The following MDGA2 variants were observed in gnomAD, a reference collection of about 807,000 sequenced individuals.
MDGA2 encodes MAM domain-containing glycosylphosphatidylinositol anchor protein 2.
MDGA2 carries 40 observed loss-of-function variants against 117.8 expected under a neutral mutation model. The observed-to-expected ratio is 0.34, with a 90% CI of 0.26 to 0.44. The LOEUF is 0.44. Ranked by LOEUF, MDGA2 falls within the 20% of genes least tolerant of loss-of-function variation. The pLI is 1.00. For synonymous variants in MDGA2, 452 were observed against 439.0 expected, an observed-to-expected ratio of 1.03 and a Z score of -0.37; for missense variants, 1,123 against 1,250.6, an observed-to-expected ratio of 0.90 and a Z score of 1.54.
intron 1 of MDGA2, among the ~76,000 whole-genome samples, chr14:47,320,914 G>A (rs1381202773): frequency 1.3e-5 from 2 of 152,066 alleles, no homozygotes; most frequent in Non-Finnish European, 2.9e-5. Flanking sequence ...AAAAAACATT[G>A]TACCCCAGAT....
At chr14:47,174,915 G>C (rs1435084094) in intron 3 of MDGA2, among the ~76,000 whole-genome samples, 1 of 151,578 alleles carries the variant, frequency 6.6e-6, no homozygotes, top group Non-Finnish European at 1.5e-5. Context: ...GACTAATAAA[G>C]AAAAAAAGAG....
intron 3 of MDGA2, among the ~76,000 whole-genome samples, chr14:47,209,164 T>A (rs1885794067): frequency 6.6e-6 from 1 of 152,212 alleles, no homozygotes; most frequent in Non-Finnish European, 1.5e-5. Context: ...ACTCATCTAA[T>A]TTTTAACCAA....
At chr14:47,366,906 A>C (rs570267966) in intron 1 of MDGA2, among the ~76,000 whole-genome samples, 2 of 97,234 alleles carry the variant, frequency 2.1e-5, no homozygotes, top group South Asian at 5.3e-4. Flanking sequence ...TTTTAGTTTG[A>C]CTTTGGCCTA....
chr14:46,871,953 G>T, intron 14 of MDGA2: 1 of 306,484 alleles, frequency 3.3e-6, no homozygotes, highest in Non-Finnish European at 6.7e-6. Context: ...GGGCAACATA[G>T]CAAGAGCCTG....
At chr14:47,047,969 A>G (rs1163551285) in intron 7 of MDGA2, among the ~76,000 whole-genome samples, 1 of 152,092 alleles carries the variant, frequency 6.6e-6, no homozygotes, top group Non-Finnish European at 1.5e-5. Context: ...AGTCAGAGGC[A>G]TTCCCCCAAA....
At chr14:47,640,180 T>A (rs1399057255) in intron 1 of MDGA2, among the ~76,000 whole-genome samples, 1 of 152,128 alleles carries the variant, frequency 6.6e-6, no homozygotes, top group African/African-American at 2.4e-5. Flanking sequence ...CACCCTCAAG[T>A]TTAATGCCAA....
chr14:47,076,560 ATGTGTG>A (rs145260703), intron 6 of MDGA2, among the ~76,000 whole-genome samples: 227 of 147,158 alleles, frequency 1.5e-3, no homozygotes, highest in Admixed American at 2.2e-3. Flanking sequence ...AGTGTGTGTT[ATGTGTG>A]TGTGTGTGTG....
chr14:46,914,731 T>C (rs926998068), intron 10 of MDGA2, among the ~76,000 whole-genome samples: 1 of 152,130 alleles, frequency 6.6e-6, no homozygotes, highest in Non-Finnish European at 1.5e-5. Flanking sequence ...TCTTAAAGAA[T>C]CGAATTTGTT....
chr14:47,379,999 G>A (rs367622293), intron 1 of MDGA2, among the ~76,000 whole-genome samples: 1 of 152,120 alleles, frequency 6.6e-6, no homozygotes, highest in African/African-American at 2.4e-5. Context: ...AAATGTAAAA[G>A]AACAGAAATT....
chr14:47,254,040 T>G (rs1398957938), intron 2 of MDGA2, among the ~76,000 whole-genome samples: 1 of 152,208 alleles, frequency 6.6e-6, no homozygotes, highest in South Asian at 2.1e-4. Flanking sequence ...GCAGCTGGGA[T>G]GCAGGGCACC....
intron 8 of MDGA2, among the ~76,000 whole-genome samples, chr14:47,033,499 T>C (rs1254669297): frequency 2.0e-5 from 3 of 152,196 alleles, no homozygotes; most frequent in African/African-American, 7.2e-5. Context: ...CTTAAGGGTA[T>C]CTCATTTTTT....
chr14:46,854,537 C>A (rs970119191), intron 15 of MDGA2, among the ~76,000 whole-genome samples: 15 of 151,422 alleles, frequency 9.9e-5, no homozygotes, highest in Admixed American at 9.2e-4. Flanking sequence ...TATATAGAAA[C>A]AAAGAAAAAT....
intron 1 of MDGA2, among the ~76,000 whole-genome samples, chr14:47,599,121 T>C (rs1480611250): frequency 1.3e-5 from 2 of 152,000 alleles, no homozygotes; most frequent in Non-Finnish European, 2.9e-5. Flanking sequence ...CTAAGACCAT[T>C]TGGGAAGACA....
chr14:47,269,362 T>C (rs1888070778), intron 2 of MDGA2, among the ~76,000 whole-genome samples: 1 of 152,168 alleles, frequency 6.6e-6, no homozygotes, highest in Non-Finnish European at 1.5e-5. Flanking sequence ...ACCAATTTCC[T>C]TATCCAAAAA....
chr14:47,192,503 TA>T (rs1885152871), intron 3 of MDGA2, among the ~76,000 whole-genome samples: 1 of 151,870 alleles, frequency 6.6e-6, no homozygotes, highest in Non-Finnish European at 1.5e-5. Flanking sequence ...TAGTCCCAGC[TA>T]CTTGGGAGGC....
chr14:46,920,635 T>C (rs982422744), intron 9 of MDGA2, among the ~76,000 whole-genome samples: 2 of 152,074 alleles, frequency 1.3e-5, no homozygotes, highest in African/African-American at 4.8e-5. Context: ...TGTGAGTAGA[T>C]AGAGAAGGTG....
At chr14:47,219,245 T>G (rs2139516046) in intron 2 of MDGA2, among the ~76,000 whole-genome samples, 1 of 152,186 alleles carries the variant, frequency 6.6e-6, no homozygotes, top group South Asian at 2.1e-4. Flanking sequence ...CATATGAAGT[T>G]AATTAAAATG....
chr14:47,475,907 T>G (rs1339128203), intron 1 of MDGA2, among the ~76,000 whole-genome samples: 1 of 152,188 alleles, frequency 6.6e-6, no homozygotes, highest in Non-Finnish European at 1.5e-5. Flanking sequence ...ATATCATGTT[T>G]GTCATGTTTG....
intron 3 of MDGA2, among the ~76,000 whole-genome samples, chr14:47,144,952 T>C (rs931044494): frequency 2.0e-5 from 3 of 151,754 alleles, no homozygotes; most frequent in Non-Finnish European, 4.4e-5. Context: ...CTAGACCTCT[T>C]TGTCTTAATA....
Sources: gnomAD v4.1 joint callset for allele counts (sites outside exome capture counted in the v4.1 genomes callset) on GRCh38, gnomAD v4.1.1 for gene constraint, MANE v1.5 for transcripts, NCBI Gene and HGNC (gene_info 2026-07-23, HGNC 2026-07-21) for gene names.